The following PDE12 variants were observed in gnomAD, a reference collection of about 807,000 sequenced individuals.
PDE12 encodes the protein phosphodiesterase 12.
PDE12 carries 26 observed loss-of-function variants against 45.4 expected under a neutral mutation model. The ratio of observed to expected loss-of-function variants is 0.57; its 90% CI spans 0.42 to 0.79. The LOEUF (loss-of-function observed/expected upper bound fraction) is 0.79. PDE12 is among the 30% of genes least tolerant of loss of function. The pLI is 0.00. For missense variants in PDE12, 668 were observed against 790.0 expected, an observed-to-expected ratio of 0.85 and a Z score of 1.85; for synonymous variants, 283 against 323.9, an observed-to-expected ratio of 0.87 and a Z score of 1.36.
the PDE12 span, among the ~76,000 whole-genome samples, chr3:57,612,961 A>C: frequency 3.9e-5 from 6 of 152,070 alleles, no homozygotes; most frequent in Non-Finnish European, 8.8e-5. Context: ...AGCAAGAATG[A>C]ACTATACGCT....
At chr3:57,619,852 A>AAAAT in the PDE12 span, among the ~76,000 whole-genome samples, 124 of 151,062 alleles carry the variant, frequency 8.2e-4, 1 homozygote, top group Admixed American at 2.3e-3. Flanking sequence ...TCTGTCTCAA[A>AAAAT]AAATAAATAA....
chr3:57,577,930 C>T, the PDE12 span, among the ~76,000 whole-genome samples: 1 of 151,930 alleles, frequency 6.6e-6, no homozygotes, highest in Non-Finnish European at 1.5e-5. Flanking sequence ...TGGTGCATGC[C>T]TTTAGTCCCA....
In PDE12 at chr3:57,556,734, T is replaced by C; in HGVS notation, c.355T>C (p.Cys119Arg). Residue 119 changes from cysteine to arginine, a missense_variant, in exon 1 of 3, where the codon TGC becomes CGC. Physicochemically the swap from Cys to Arg is radical, Grantham distance 180 (BLOSUM62 -3). This residue lies in a region of PDE12 where 580 missense variants were observed against 662.9 expected (regional missense o/e 0.87). Coordinates refer to ENST00000311180, the MANE Select transcript of PDE12 (RefSeq NM_177966.7). This position sits in a 1 kb window ranked among gnomAD's most constrained non-coding sequence, Gnocchi z 5.0. ...GCCGGGGCCTGAGCCGGCTGTGTTC[T>C]GCGAGCCCGTGGTGAAGCTGTACTA... ...SGPGPEPAVF[C>R]EPVVKLYYRE... 6.3e-7 allele frequency: 1 copy of C among 1,596,728 alleles called. No homozygotes were observed. The highest frequency in any genetic ancestry group is 1.7e-5 in the Admixed American group (1 of 59,532).
the PDE12 span, among the ~76,000 whole-genome samples, chr3:57,602,488 C>G: frequency 6.6e-6 from 1 of 152,170 alleles, no homozygotes; most frequent in Non-Finnish European, 1.5e-5. Flanking sequence ...GATCGTTTGG[C>G]CCACCCTATT....
chr3:57,572,057 T>C, the PDE12 span: 2 of 600,350 alleles, frequency 3.3e-6, no homozygotes, highest in Non-Finnish European at 5.9e-6. Flanking sequence ...AGCAACATTA[T>C]ACTCGGTAAA....
chr3:57,575,414 A>G, the PDE12 span: 31 of 890,784 alleles, frequency 3.5e-5, no homozygotes, highest in Non-Finnish European at 4.3e-5. Context: ...GTTTATTACC[A>G]TATTTTTAAA....
chr3:57,613,547 C>T, the PDE12 span, among the ~76,000 whole-genome samples: 1 of 151,718 alleles, frequency 6.6e-6, no homozygotes, highest in Non-Finnish European at 1.5e-5. Flanking sequence ...CCACCTCAGC[C>T]TCCCAAAGTG....
At position 57,556,355 on chromosome 3, in the gene PDE12, T is replaced by C; in HGVS notation, c.-25T>C. On this transcript the variant is annotated 5_prime_UTR_variant, in exon 1 of 3. Transcript: ENST00000311180. The surrounding 1 kb of genome is among the most constrained non-coding windows in gnomAD (Gnocchi z 5.0). ...TAGGCCGCTGATCGGCCGCGGGTCT[T>C]GTCGACCGCTAGGCCACCAGGTTCA... is the stretch of plus-strand genomic sequence containing the variant. 1 of 1,534,118 alleles carries C rather than the reference T, an allele frequency of 6.5e-7. No homozygotes were observed. Among genetic ancestry groups the C allele is most frequent in the Non-Finnish European group, 8.8e-7 (1 of 1,138,970 alleles).
chr3:57,630,460 T>C, the PDE12 span: 1 of 1,596,816 alleles, frequency 6.3e-7, no homozygotes. Flanking sequence ...CCTCCAATTT[T>C]TGGGTCATTT....
the PDE12 span, among the ~76,000 whole-genome samples, chr3:57,639,590 G>T: frequency 6.6e-6 from 1 of 152,116 alleles, no homozygotes; most frequent in African/African-American, 2.4e-5. Flanking sequence ...AGCAACTGTT[G>T]TTCTCTGTAT....
chr3:57,651,193 C>T, the PDE12 span, among the ~76,000 whole-genome samples: 1 of 152,198 alleles, frequency 6.6e-6, no homozygotes, highest in Non-Finnish European at 1.5e-5. Flanking sequence ...AAAAGCAGTA[C>T]GCATTCAGTA....
the PDE12 span, chr3:57,646,590 G>A: frequency 8.8e-7 from 1 of 1,132,876 alleles, no homozygotes; most frequent in South Asian, 2.0e-5. Context: ...AGAATATGGT[G>A]ATGTATAGAG....
At chr3:57,574,208 G>A in the PDE12 span, among the ~76,000 whole-genome samples, 27 of 152,048 alleles carry the variant, frequency 1.8e-4, no homozygotes, top group African/African-American at 5.3e-4. Flanking sequence ...TAAAGTGCTG[G>A]GATTACAGGC....
At chr3:57,629,141 C>A in the PDE12 span, among the ~76,000 whole-genome samples, 7 of 152,104 alleles carry the variant, frequency 4.6e-5, no homozygotes, top group African/African-American at 9.7e-5. Context: ...TTTTTTAGAT[C>A]AAGCAAGAAA....
the PDE12 span, chr3:57,630,326 A>T: frequency 8.9e-7 from 1 of 1,125,988 alleles, no homozygotes. Context: ...ACTATTTATA[A>T]AGAGTGGATA....
the PDE12 span, chr3:57,596,666 C>T: frequency 3.7e-5 from 7 of 190,108 alleles, no homozygotes; most frequent in South Asian, 4.7e-4. Context: ...AGGGAAAAGG[C>T]TGGAGTTGCT....
the PDE12 span, among the ~76,000 whole-genome samples, chr3:57,614,691 C>T: frequency 6.6e-6 from 1 of 151,094 alleles, no homozygotes; most frequent in Non-Finnish European, 1.5e-5. Context: ...CTTACAGGCG[C>T]CTGCCAACAC....
the PDE12 span, among the ~76,000 whole-genome samples, chr3:57,618,607 G>GTT: frequency 5.3e-4 from 42 of 79,394 alleles, 1 homozygote; most frequent in African/African-American, 1.5e-3. Context: ...TTGCTTTTGT[G>GTT]TTTTTTTTTT....
At chr3:57,582,914 G>C in the PDE12 span, among the ~76,000 whole-genome samples, 1 of 152,314 alleles carries the variant, frequency 6.6e-6, no homozygotes, top group South Asian at 2.1e-4. Flanking sequence ...AGTTAGATTA[G>C]AACAGTGGTT....
Sources: gnomAD v4.1 joint callset for allele counts (sites outside exome capture counted in the v4.1 genomes callset) on GRCh38, gnomAD v4.1.1 for gene constraint, gnomAD v4.1.1 regional missense constraint, Gnocchi (gnomAD v3.1) non-coding constraint, MANE v1.5 for transcripts, NCBI Gene and HGNC (gene_info 2026-07-23, HGNC 2026-07-21) for gene names.